HYCC1: variants seen among roughly 807,000 people sequenced by gnomAD.
HYCC1 encodes the protein hyccin.
At chr7:22,913,923 A>G in the HYCC1 span, among the ~76,000 whole-genome samples, 1 of 152,186 alleles carries the variant, frequency 6.6e-6, no homozygotes, top group Non-Finnish European at 1.5e-5. Flanking sequence ...CTATGACCTC[A>G]GGTCCTCAGA....
chr7:22,933,139 C>G, the HYCC1 span, among the ~76,000 whole-genome samples: 3 of 152,140 alleles, frequency 2.0e-5, no homozygotes, highest in African/African-American at 7.2e-5. Flanking sequence ...AGAATAAATT[C>G]TCTTGTATTA....
chr7:22,995,369 G>A, the HYCC1 span, among the ~76,000 whole-genome samples: 1 of 151,710 alleles, frequency 6.6e-6, no homozygotes, highest in Non-Finnish European at 1.5e-5. Context: ...TTTCTTACCT[G>A]AAGTCTAAAT....
chr7:22,950,258 G>A, the HYCC1 span, among the ~76,000 whole-genome samples: 1 of 151,916 alleles, frequency 6.6e-6, no homozygotes, highest in Middle Eastern at 3.4e-3. Flanking sequence ...TAGCCCCCAC[G>A]TTTCACATAC....
chr7:22,947,871 T>C, the HYCC1 span, among the ~76,000 whole-genome samples: 1 of 152,138 alleles, frequency 6.6e-6, no homozygotes, highest in African/African-American at 2.4e-5. Context: ...TCATCTATTA[T>C]TAACAGTAAG....
the HYCC1 span, among the ~76,000 whole-genome samples, chr7:23,006,518 C>T: frequency 6.6e-5 from 10 of 152,166 alleles, no homozygotes; most frequent in Non-Finnish European, 1.2e-4. Flanking sequence ...CCACCCACCT[C>T]GGCCTCCCAA....
the HYCC1 span, among the ~76,000 whole-genome samples, chr7:23,012,460 A>G: frequency 1.3e-5 from 2 of 152,224 alleles, no homozygotes; most frequent in Admixed American, 6.5e-5. Flanking sequence ...GGTAATTTCA[A>G]TAAATCGAAT....
chr7:22,984,506 C>A, the HYCC1 span, among the ~76,000 whole-genome samples: 7 of 151,902 alleles, frequency 4.6e-5, no homozygotes, highest in African/African-American at 1.2e-4. Flanking sequence ...GACTGATTGA[C>A]CCCAGGAGTT....
At chr7:22,912,002 A>G in the HYCC1 span, among the ~76,000 whole-genome samples, 1 of 152,228 alleles carries the variant, frequency 6.6e-6, no homozygotes, top group Non-Finnish European at 1.5e-5. Context: ...GAAGACCACA[A>G]AATGTTTTTA....
the HYCC1 span, among the ~76,000 whole-genome samples, chr7:23,013,065 T>C: frequency 5.9e-5 from 9 of 152,118 alleles, no homozygotes; most frequent in South Asian, 1.4e-3. Flanking sequence ...CTAAACCACT[T>C]AGGCAAAATT....
the HYCC1 span, chr7:22,946,951 C>A: frequency 6.5e-7 from 1 of 1,544,204 alleles, no homozygotes; most frequent in South Asian, 1.2e-5. Context: ...CCTTAAGATA[C>A]CTTGGAGTGC....
chr7:22,929,322 A>G, the HYCC1 span, among the ~76,000 whole-genome samples: 1 of 152,252 alleles, frequency 6.6e-6, no homozygotes, highest in Non-Finnish European at 1.5e-5. Flanking sequence ...AATGGCAACA[A>G]AAGTGAAAAT....
At chr7:22,905,359 C>T in the HYCC1 span, among the ~76,000 whole-genome samples, 3 of 148,756 alleles carry the variant, frequency 2.0e-5, no homozygotes, top group Non-Finnish European at 3.0e-5. Context: ...TTTAGAGGCA[C>T]GCACCAGGAT....
the HYCC1 span, among the ~76,000 whole-genome samples, chr7:23,012,715 T>A: frequency 6.6e-6 from 1 of 152,200 alleles, no homozygotes; most frequent in Non-Finnish European, 1.5e-5. Context: ...TACTTGGAAA[T>A]GTCGGGGGAG....
At chr7:22,971,637 C>T in the HYCC1 span, among the ~76,000 whole-genome samples, 23 of 140,224 alleles carry the variant, frequency 1.6e-4, no homozygotes, top group African/African-American at 5.9e-4. Context: ...GATTGTGCCA[C>T]TGCACTCCAG....
At chr7:23,004,964 C>T in the HYCC1 span, among the ~76,000 whole-genome samples, 1,106 of 152,192 alleles carry the variant, frequency 7.3e-3, 14 homozygotes, top group African/African-American at 0.025. Flanking sequence ...TGCCACCATG[C>T]CCGGCTAATT....
the HYCC1 span, among the ~76,000 whole-genome samples, chr7:22,929,652 C>G: frequency 2.6e-5 from 4 of 152,218 alleles, no homozygotes; most frequent in East Asian, 3.8e-4. Flanking sequence ...GATACCATCT[C>G]ACACCAGTTA....
the HYCC1 span, among the ~76,000 whole-genome samples, chr7:22,902,475 G>A: frequency 0.017 from 2,627 of 152,020 alleles, 88 homozygotes; most frequent in African/African-American, 0.061. Flanking sequence ...CTAGTTCTTT[G>A]AAAATATTAC....
chr7:23,010,851 T>C, the HYCC1 span, among the ~76,000 whole-genome samples: 1 of 152,210 alleles, frequency 6.6e-6, no homozygotes, highest in Admixed American at 6.5e-5. Flanking sequence ...AAGCTATAGC[T>C]ATCATTTTCT....
the HYCC1 span, among the ~76,000 whole-genome samples, chr7:22,912,277 C>T: frequency 3.3e-5 from 5 of 152,220 alleles, no homozygotes; most frequent in Non-Finnish European, 7.3e-5. Flanking sequence ...CAACTTTATT[C>T]ACCCAGCTCA....
Sources: gnomAD v4.1 joint callset for allele counts (sites outside exome capture counted in the v4.1 genomes callset) on GRCh38, gnomAD v4.1.1 for gene constraint, MANE v1.5 for transcripts, NCBI Gene and HGNC (gene_info 2026-07-23, HGNC 2026-07-21) for gene names.